DENND1B: variants seen among roughly 807,000 people sequenced by gnomAD.
The protein encoded by DENND1B is DENN domain containing 1B.
In DENND1B, 59 loss-of-function variants were observed where a neutral mutation model predicts 90.1. The observed-to-expected ratio is 0.65, with a 90% CI of 0.53 to 0.81. The LOEUF (loss-of-function observed/expected upper bound fraction) is 0.81, where lower values mean the gene tolerates loss of function less well. DENND1B is among the 40% of genes least tolerant of loss of function. DENND1B has a pLI of 0.00. For synonymous variants in DENND1B, 337 were observed against 324.6 expected (o/e 1.04, Z -0.41); for missense variants, 862 against 912.6 (o/e 0.94, Z 0.71).
chr1:197,584,533 AAAG>A (rs1674523690), intron 14 of DENND1B, among the ~76,000 whole-genome samples: 1 of 152,232 alleles, frequency 6.6e-6, no homozygotes, highest in Non-Finnish European at 1.5e-5. Flanking sequence ...GCTATAGAAA[AAAG>A]AAAACAAAAT....
At chr1:197,654,103 T>C (rs1034419733) in intron 6 of DENND1B, among the ~76,000 whole-genome samples, 1 of 152,066 alleles carries the variant, frequency 6.6e-6, no homozygotes, top group Non-Finnish European at 1.5e-5. Flanking sequence ...CACATACACA[T>C]AAACAACTAG....
At chr1:197,701,994 A>G (rs933044565) in intron 3 of DENND1B, among the ~76,000 whole-genome samples, 2 of 152,192 alleles carry the variant, frequency 1.3e-5, no homozygotes, top group African/African-American at 2.4e-5. Context: ...CCGTATGTCT[A>G]TATTTCATAA....
In DENND1B at chr1:197,632,148, C is replaced by T. The variant is rs138046167; in HGVS notation, c.672+10563G>A. 3.1e-3 allele frequency among the ~76,000 whole-genome samples: 473 copies of T among 152,254 alleles called. 3 individuals are homozygous for T. The highest frequency in any genetic ancestry group is 0.01 in the African/African-American group (418 of 41,550). On this transcript the variant is annotated intron_variant, in intron 10 of 22. Coordinates refer to ENST00000620048, the MANE Select transcript of DENND1B (RefSeq NM_001195215.2). ...TGATCTCCTGTCAGCTGGATTCCCC[C>T]TACTGCATTTCTTCTTTTATAAGGC...
At chr1:197,693,723 TC>T (rs2102105759) in intron 3 of DENND1B, among the ~76,000 whole-genome samples, 1 of 151,680 alleles carries the variant, frequency 6.6e-6, no homozygotes, top group Admixed American at 6.6e-5. Flanking sequence ...CATCAGTTTC[TC>T]CTAGCTTTTC....
intron 13 of DENND1B, among the ~76,000 whole-genome samples, chr1:197,605,215 C>T (rs916778556): frequency 2.0e-5 from 3 of 150,620 alleles, no homozygotes; most frequent in African/African-American, 7.3e-5. Context: ...TATATTCAGG[C>T]CTTTACATGT....
chr1:197,580,340 C>T (rs1187967403), intron 15 of DENND1B, among the ~76,000 whole-genome samples: 1 of 150,470 alleles, frequency 6.6e-6, no homozygotes, highest in African/African-American at 2.4e-5. Context: ...CCTCATGATC[C>T]ACCCGTCTCG....
At chr1:197,554,605 C>T (rs751353166) in intron 15 of DENND1B, among the ~76,000 whole-genome samples, 2 of 151,532 alleles carry the variant, frequency 1.3e-5, no homozygotes, top group Non-Finnish European at 2.9e-5. Flanking sequence ...TTTGGGAGGC[C>T]GAGGTGGAGG....
intron 10 of DENND1B, among the ~76,000 whole-genome samples, chr1:197,634,064 C>T (rs1234599748): frequency 6.6e-6 from 1 of 152,196 alleles, no homozygotes; most frequent in Non-Finnish European, 1.5e-5. Flanking sequence ...ACAGCAACTT[C>T]TCTGCTATCC....
intron 11 of DENND1B, 138 bp downstream of exon 11, chr1:197,617,521 G>A (rs1677765584): frequency 1.6e-6 from 1 of 618,174 alleles, no homozygotes; most frequent in African/African-American, 1.9e-5. Context: ...CTTCATAAAA[G>A]CCATCTTTAC....
At chr1:197,716,427 TA>T (rs1660654185) in intron 2 of DENND1B, among the ~76,000 whole-genome samples, 1 of 151,774 alleles carries the variant, frequency 6.6e-6, no homozygotes, top group Non-Finnish European at 1.5e-5. Context: ...TATCCTCATG[TA>T]AAACAAAATG....
At chr1:197,532,435 G>T (rs1669674369) in intron 20 of DENND1B, among the ~76,000 whole-genome samples, 1 of 5,070 alleles carries the variant, frequency 2.0e-4, no homozygotes, top group African/African-American at 2.1e-4. Context: ...TATGAGGCCA[G>T]CATCATTCTG....
chr1:197,619,365 G>A (rs1251126413), intron 10 of DENND1B, among the ~76,000 whole-genome samples: 1 of 151,130 alleles, frequency 6.6e-6, no homozygotes, highest in African/African-American at 2.4e-5. Context: ...GTACTCCTTA[G>A]TTGTAAATTA....
Position 197,508,775 on chromosome 1 carries a change from A to AT in DENND1B, c.*1684dup, listed in dbSNP as rs1382424677. On this transcript the variant is annotated 3_prime_UTR_variant, in exon 23 of 23. Coordinates refer to ENST00000620048, the MANE Select transcript of DENND1B (RefSeq NM_001195215.2). The stretch of plus-strand genomic sequence containing the variant: ...GGATATACTGAAAATGCTAATAACA[A>AT]TTTAACCATACTATCACTGCTTTTT... The AT allele has an allele frequency of 1.3e-5, 2 of 151,774 alleles. No individual in the cohort carries two copies. The highest frequency in any genetic ancestry group is 4.8e-5 in the African/African-American group (2 of 41,368). The allele number at this position is 151,774 out of a possible 1,614,324, so 9.4% of individuals were successfully genotyped here. A position where few individuals can be genotyped will look rare whatever the true frequency, so the allele number is the denominator to read the frequency against.
chr1:197,595,463 T>A, intron 13 of DENND1B, 130 bp from the exon 14 acceptor site: 1 of 1,138,764 alleles, frequency 8.8e-7, no homozygotes, highest in Admixed American at 2.4e-5. Flanking sequence ...TGATAGCTTA[T>A]CTTTTTAACT....
chr1:197,630,670 C>T (rs1322623922), intron 10 of DENND1B, among the ~76,000 whole-genome samples: 1 of 152,040 alleles, frequency 6.6e-6, no homozygotes, highest in Admixed American at 6.6e-5. Flanking sequence ...TTAGCTCTTC[C>T]TAGCCAAATA....
intron 2 of DENND1B, among the ~76,000 whole-genome samples, chr1:197,749,026 C>G (rs536944649): frequency 5.9e-5 from 9 of 152,102 alleles, no homozygotes; most frequent in Admixed American, 5.2e-4. Flanking sequence ...ATGGGCTTAA[C>G]AGCAGATTGG....
chr1:197,524,160 C>T (rs1363740282), intron 20 of DENND1B, among the ~76,000 whole-genome samples: 2 of 151,986 alleles, frequency 1.3e-5, no homozygotes, highest in African/African-American at 4.8e-5. Context: ...ACAGAGCATC[C>T]AAGAACTGAG....
intron 15 of DENND1B, among the ~76,000 whole-genome samples, chr1:197,569,134 T>C (rs1052637694): frequency 3.3e-5 from 5 of 151,946 alleles, no homozygotes; most frequent in East Asian, 3.9e-4. Context: ...AAAAAAAACA[T>C]TGATCATAAG....
intron 7 of DENND1B, among the ~76,000 whole-genome samples, chr1:197,651,697 C>A (rs1361683438): frequency 1.4e-5 from 2 of 138,030 alleles, no homozygotes; most frequent in African/African-American, 5.4e-5. Context: ...ACTCTGTCAC[C>A]CAGGCTGGAG....
Sources: allele counts gnomAD v4.1 joint callset (sites outside exome capture counted in the v4.1 genomes callset), GRCh38; gene constraint gnomAD v4.1.1; transcripts MANE v1.5; gene names NCBI Gene and HGNC (gene_info 2026-07-23, HGNC 2026-07-21).